CROT: variants seen among roughly 807,000 people sequenced by gnomAD.
CROT encodes the protein peroxisomal carnitine O-octanoyltransferase.
A neutral mutation model predicts 89.2 loss-of-function variants in CROT; 84 were observed. The observed-to-expected ratio is 0.94, with a 90% confidence interval of 0.79 to 1.13. The LOEUF (loss-of-function observed/expected upper bound fraction) is 1.13. Ranked by LOEUF, CROT falls within the 50% of genes most tolerant of loss-of-function variation. The pLI is 0.00. For synonymous variants in CROT, 212 were observed against 239.5 expected (o/e 0.89, Z 1.06); for missense variants, 711 against 727.8 (o/e 0.98, Z 0.27).
At chr7:87,360,099 A>C in intron 4 of CROT, 1 of 955,600 alleles carries the variant, frequency 1.0e-6, no homozygotes, top group Non-Finnish European at 1.2e-6. Flanking sequence ...TTAATTAAAG[A>C]GGGGTAAAGG....
Position 87,357,380 on chromosome 7 carries a change from C to A in CROT, c.116-1826C>A, listed in dbSNP as rs181319106. On this transcript the variant is annotated intron_variant, in intron 3 of 17. Transcript: ENST00000331536. ...ATATTATACCCTAGAGACTCTAACC[C>A]CATTGGGCTAGAAATATTATCCTTG... The A allele has an allele frequency of 6.1e-4, 753 of 1,232,872 alleles. 1 individual carries two copies. Among genetic ancestry groups the A allele is most frequent in the Admixed American group, 8.0e-4 (40 of 50,120 alleles). The allele number at this position is 1,232,872 out of a possible 1,614,324, so 76.4% of individuals were successfully genotyped here. A position where few individuals can be genotyped will look rare whatever the true frequency, so the allele number is the denominator to read the frequency against.
chr7:87,381,708 C>T (rs370817378), intron 10 of CROT, among the ~76,000 whole-genome samples: 1 of 152,116 alleles, frequency 6.6e-6, no homozygotes, highest in East Asian at 1.9e-4. Flanking sequence ...CAAATTTAAA[C>T]AACTTTTTTT....
chr7:87,396,322 G>T (rs1435514540), intron 17 of CROT, among the ~76,000 whole-genome samples: 2 of 152,158 alleles, frequency 1.3e-5, no homozygotes, highest in Admixed American at 6.6e-5. Context: ...ATTAACAGAA[G>T]GTGACTTGAA....
intron 2 of CROT, among the ~76,000 whole-genome samples, chr7:87,347,819 G>C (rs1446716990): frequency 2.0e-5 from 3 of 152,088 alleles, no homozygotes; most frequent in South Asian, 4.1e-4. Flanking sequence ...CTACCTAGCA[G>C]GTAGTAAAAA....
intron 3 of CROT, chr7:87,357,559 G>T (rs1242912251): frequency 7.0e-7 from 1 of 1,427,948 alleles, no homozygotes; most frequent in South Asian, 1.2e-5. Flanking sequence ...CTAAGAGAGG[G>T]TTCTTGGATC....
At chr7:87,350,604 A>G (rs1437723164) in intron 3 of CROT, among the ~76,000 whole-genome samples, 1 of 152,178 alleles carries the variant, frequency 6.6e-6, no homozygotes, top group Non-Finnish European at 1.5e-5. Flanking sequence ...GTTGACCCCT[A>G]GTACATTGTC....
chr7:87,363,411 G>C (rs1250295783), intron 6 of CROT, among the ~76,000 whole-genome samples: 1 of 152,244 alleles, frequency 6.6e-6, no homozygotes, highest in Non-Finnish European at 1.5e-5. Flanking sequence ...CCAAGGATCT[G>C]AATGATAAGA....
chr7:87,362,600 G>A (rs773553392), intron 6 of CROT, among the ~76,000 whole-genome samples: 9 of 151,998 alleles, frequency 5.9e-5, no homozygotes, highest in Non-Finnish European at 1.3e-4. Flanking sequence ...CCGGCTTGGA[G>A]TCACTCTTCT....
At chr7:87,346,645 C>T (rs1805688042) in intron 2 of CROT, among the ~76,000 whole-genome samples, 1 of 152,038 alleles carries the variant, frequency 6.6e-6, no homozygotes. Context: ...TAATGTGTAC[C>T]GGTTGGTGGG....
chr7:87,377,088 A>G (rs1479754037), intron 9 of CROT, among the ~76,000 whole-genome samples: 2 of 152,270 alleles, frequency 1.3e-5, no homozygotes, highest in East Asian at 3.9e-4. Flanking sequence ...GTAAACATTC[A>G]TGAATATTGT....
intron 3 of CROT, chr7:87,357,398 TATC>T: frequency 7.0e-7 from 1 of 1,422,678 alleles, no homozygotes; most frequent in Admixed American, 2.0e-5. Flanking sequence ...CTAGAAATAT[TATC>T]CTTGATAGGA....
At chr7:87,348,804 A>G (rs1037444636) in intron 2 of CROT, among the ~76,000 whole-genome samples, 1 of 152,358 alleles carries the variant, frequency 6.6e-6, no homozygotes, top group Non-Finnish European at 1.5e-5. Context: ...TAGGTGTTCA[A>G]TAAATGGTAA....
chr7:87,348,615 G>A (rs1322758786), intron 2 of CROT, among the ~76,000 whole-genome samples: 1 of 152,210 alleles, frequency 6.6e-6, no homozygotes, highest in African/African-American at 2.4e-5. Flanking sequence ...GGGAAAGATT[G>A]TAGTCTTAAC....
At chr7:87,388,630 A>G (rs1807257529) in intron 13 of CROT, among the ~76,000 whole-genome samples, 1 of 152,220 alleles carries the variant, frequency 6.6e-6, no homozygotes, top group Non-Finnish European at 1.5e-5. Context: ...TTAACTCAAG[A>G]TGGATTAAAG....
intron 13 of CROT, 132 bp from the exon 14 acceptor site, chr7:87,391,457 T>C: frequency 1.2e-6 from 1 of 807,246 alleles, no homozygotes; most frequent in East Asian, 3.0e-5. Flanking sequence ...TCTTTTTTGT[T>C]GAAAGTCTCC....
intron 17 of CROT, among the ~76,000 whole-genome samples, chr7:87,395,149 G>A (rs1023261346): frequency 1.3e-5 from 2 of 152,156 alleles, no homozygotes; most frequent in African/African-American, 4.8e-5. Flanking sequence ...AAGCTGAGGG[G>A]CAAGAAAGCC....
In CROT at chr7:87,361,409, A is replaced by G; in HGVS notation, c.260A>G (p.Asn87Ser). ...KRNWLEEWWL[N>S]VAYLDVRIPS... Reference sequence around the variant, plus strand: ...TTTTAGCTGGAAGAGTGGTGGCTGAATGTTGCCTATCTGGATGTTCGTATA... The same window carrying G: ...TTTTAGCTGGAAGAGTGGTGGCTGAGTGTTGCCTATCTGGATGTTCGTATA... The change falls in exon 5 of 18, where the codon AAT becomes AGT. Residue 87 changes from asparagine to serine, a missense_variant. Asn to Ser is a conservative substitution (Grantham distance 46, BLOSUM62 1). Transcript: ENST00000331536. 6.2e-7 allele frequency: 1 copy of G among 1,613,356 alleles called. No homozygotes were observed. Among genetic ancestry groups the G allele is most frequent in the Non-Finnish European group, 8.5e-7 (1 of 1,179,860 alleles).
intron 17 of CROT, 108 bp from the exon 18 acceptor site, chr7:87,398,416 C>T (rs553848130): frequency 1.3e-4 from 172 of 1,354,590 alleles, no homozygotes; most frequent in Middle Eastern, 1.1e-3. Flanking sequence ...GTCAGCAAGA[C>T]TTCACATTTC....
chr7:87,383,452 T>C (rs1807089464), intron 13 of CROT, among the ~76,000 whole-genome samples: 1 of 152,130 alleles, frequency 6.6e-6, no homozygotes, highest in Non-Finnish European at 1.5e-5. Context: ...TCATTCTTTG[T>C]TTTTTTATTT....
Sources: allele counts gnomAD v4.1 joint callset (sites outside exome capture counted in the v4.1 genomes callset), GRCh38; gene constraint gnomAD v4.1.1; transcripts MANE v1.5; gene names NCBI Gene and HGNC (gene_info 2026-07-23, HGNC 2026-07-21).